The following ARHGEF3 variants were observed in gnomAD, a reference collection of about 807,000 sequenced individuals.
ARHGEF3 encodes 59.8 kDA protein.
A neutral mutation model predicts 63.2 loss-of-function variants in ARHGEF3; 28 were observed. That is an observed-to-expected ratio of 0.44 (90% CI 0.33 to 0.61). ARHGEF3 has a LOEUF of 0.61. Ranked by LOEUF, ARHGEF3 falls within the 20% of genes least tolerant of loss-of-function variation. ARHGEF3 has a pLI of 0.03. For missense variants in ARHGEF3, 533 were observed against 659.3 expected (o/e 0.81, Z 2.10); for synonymous variants, 266 against 254.2 (o/e 1.05, Z -0.44).
At chr3:56,789,492 T>G (rs1423107864) in intron 1 of ARHGEF3, among the ~76,000 whole-genome samples, 1 of 152,226 alleles carries the variant, frequency 6.6e-6, no homozygotes, top group African/African-American at 2.4e-5. Context: ...TATAACACAT[T>G]AAAGCCAATT....
intron 3 of ARHGEF3, among the ~76,000 whole-genome samples, chr3:56,889,970 G>A (rs12485942): frequency 0.081 from 12,318 of 151,836 alleles, 1,060 homozygotes; most frequent in East Asian, 0.21. Flanking sequence ...GCTGAGGCAG[G>A]AGAATCGCTG....
chr3:56,866,090 A>G (rs2040240186), intron 4 of ARHGEF3, among the ~76,000 whole-genome samples: 1 of 152,156 alleles, frequency 6.6e-6, no homozygotes. Context: ...GCTTGAGCCC[A>G]GAAGGTCAAG....
In ARHGEF3 at chr3:56,953,836, C is replaced by T. The variant is rs144423664; in HGVS notation, c.129+4987G>A. ...AGGAGAAGACAAACCAAGAGAGTGG[C>T]AAAGCTGAGAAAAGGAATACACCTG... On this transcript the variant is annotated intron_variant, in intron 3 of 12. Transcript: ENST00000338458. 4.8e-3 allele frequency among the ~76,000 whole-genome samples: 733 copies of T among 152,230 alleles called. 3 individuals are homozygous for T. Among genetic ancestry groups the T allele is most frequent in the Non-Finnish European group, 8.5e-3 (577 of 68,012 alleles).
At chr3:56,767,055 A>C (rs952148728) in intron 2 of ARHGEF3, among the ~76,000 whole-genome samples, 2 of 152,098 alleles carry the variant, frequency 1.3e-5, no homozygotes, top group Non-Finnish European at 2.9e-5. Flanking sequence ...CATGCCTATA[A>C]TCCCAGCACT....
chr3:56,938,210 G>A (rs1159967538), intron 3 of ARHGEF3, among the ~76,000 whole-genome samples: 1 of 152,154 alleles, frequency 6.6e-6, no homozygotes, highest in East Asian at 1.9e-4. Flanking sequence ...GATTTCCAGG[G>A]TTGGATGGCA....
Position 57,000,310 on chromosome 3 carries a change from CCACA to C in ARHGEF3, c.62+34774_62+34777del, listed in dbSNP as rs71076009. On this transcript the variant is annotated intron_variant, in intron 2 of 12. Transcript: ENST00000338458. ...AAGTCCTTTTTTTAGAGGGTAACTC[CCACA>C]CACACACACACACACACACACACAC... 6.9e-4 allele frequency among the ~76,000 whole-genome samples: 96 copies of C among 139,226 alleles called. 1 individual carries two copies. The Middle Eastern group carries it at 0.011, about 16-fold the overall frequency. 91.3% of individuals were successfully genotyped at this position (139,226 alleles called of 152,430 possible). A position where few individuals can be genotyped will look rare whatever the true frequency, so the allele number is the denominator to read the frequency against.
At chr3:56,922,540 A>C (rs1333977351) in intron 3 of ARHGEF3, among the ~76,000 whole-genome samples, 3 of 152,182 alleles carry the variant, frequency 2.0e-5, no homozygotes, top group Non-Finnish European at 1.5e-5. Flanking sequence ...GAGGATTTTT[A>C]AAAGTAATCT....
chr3:56,878,411 T>C (rs1249380194), intron 4 of ARHGEF3, among the ~76,000 whole-genome samples: 1 of 152,104 alleles, frequency 6.6e-6, no homozygotes, highest in African/African-American at 2.4e-5. Context: ...ACCAGGAAGT[T>C]GGGGGCCCAG....
In ARHGEF3 at chr3:56,957,611, A is replaced by C. The variant is rs140617952; in HGVS notation, c.129+1212T>G. 1.9e-3 allele frequency among the ~76,000 whole-genome samples: 283 copies of C among 152,318 alleles called. 3 individuals carry two copies. The highest frequency in any genetic ancestry group is 6.5e-3 in the African/African-American group (270 of 41,578). On this transcript the variant is annotated intron_variant, in intron 3 of 12. Transcript: ENST00000338458. ...CAATCTTAAATTTCAGTAAGGACTA[A>C]GCACAATAGTAAGAAACTGCAGGGG...
chr3:57,009,081 A>G (rs909652802), intron 2 of ARHGEF3, among the ~76,000 whole-genome samples: 24 of 152,228 alleles, frequency 1.6e-4, no homozygotes, highest in Admixed American at 1.2e-3. Flanking sequence ...AACAGAATGC[A>G]TGGCCCAAGC....
intron 2 of ARHGEF3, among the ~76,000 whole-genome samples, chr3:57,003,401 CAA>C (rs60214570): frequency 1.6e-3 from 72 of 43,732 alleles, no homozygotes; most frequent in Non-Finnish European, 2.2e-3. Flanking sequence ...GACGCCGTCT[CAA>C]AAAAAAAAAA....
chr3:56,950,126 TAATTCAA>T (rs1699729252), intron 3 of ARHGEF3, among the ~76,000 whole-genome samples: 2 of 151,980 alleles, frequency 1.3e-5, no homozygotes, highest in African/African-American at 4.8e-5. Context: ...ATACAAAAAT[TAATTCAA>T]GATGGATTAA....
rs558662087 is a variant in ARHGEF3 at position 57,004,403 on chromosome 3, C to T, written c.62+30685G>A. Among the ~76,000 whole-genome samples the T allele has an allele frequency of 1.8e-4, 28 of 152,338 alleles. 1 individual carries two copies. The South Asian group carries it at 2.9e-3, about 16-fold the overall frequency. Reference sequence around the variant, plus strand: ...TCCTTCCTGGAATCCTTCAGTGGCTCGTCTGCATTTACCAGCCAGGTTTTC... The same window carrying T: ...TCCTTCCTGGAATCCTTCAGTGGCTTGTCTGCATTTACCAGCCAGGTTTTC... On this transcript the variant is annotated intron_variant, in intron 2 of 12. Transcript: ENST00000338458.
intron 1 of ARHGEF3, among the ~76,000 whole-genome samples, chr3:57,059,512 TG>T (rs976298264): frequency 4.9e-5 from 3 of 61,392 alleles, no homozygotes; most frequent in African/African-American, 1.6e-4. Context: ...GAGTTGGGGG[TG>T]GGGGGAGGGA....
intron 4 of ARHGEF3, among the ~76,000 whole-genome samples, chr3:56,872,839 A>T (rs576396457): frequency 2.0e-5 from 3 of 152,310 alleles, no homozygotes; most frequent in South Asian, 2.1e-4. Flanking sequence ...TACATGATCA[A>T]TTCTATTTAT....
intron 1 of ARHGEF3, among the ~76,000 whole-genome samples, chr3:56,786,343 T>TATTTTACC (rs2036808868): frequency 6.6e-6 from 1 of 152,222 alleles, no homozygotes; most frequent in Admixed American, 6.5e-5. Context: ...AAGCATGCTG[T>TATTTTACC]TCAGGAAACT....
At chr3:56,850,391 T>C (rs943714835) in intron 4 of ARHGEF3, among the ~76,000 whole-genome samples, 2 of 152,156 alleles carry the variant, frequency 1.3e-5, no homozygotes, top group Non-Finnish European at 2.9e-5. Flanking sequence ...TAGTTGGGCG[T>C]GGTGGCACAT....
At chr3:57,010,236 C>T (rs748424943) in intron 2 of ARHGEF3, among the ~76,000 whole-genome samples, 26 of 152,166 alleles carry the variant, frequency 1.7e-4, no homozygotes, top group East Asian at 1.9e-4. Context: ...GGGCAGATCA[C>T]GAGGTCAGGA....
rs113236985 is a variant in ARHGEF3 at position 56,929,609 on chromosome 3, T to C, written c.129+29214A>G. ...ATGGACCACACTTTGAGAACCTTACTAGGGGACATGGAATGACTTAAGCAG... is the reference window on the plus strand; with the variant it reads ...ATGGACCACACTTTGAGAACCTTACCAGGGGACATGGAATGACTTAAGCAG... On this transcript the variant is annotated intron_variant, in intron 3 of 12. Coordinates refer to the ARHGEF3 transcript ENST00000338458. Among the ~76,000 whole-genome samples, 8 of 152,288 alleles carry C rather than the reference T, an allele frequency of 5.3e-5. 1 individual carries two copies. The highest frequency in any genetic ancestry group is 1.4e-4 in the African/African-American group (6 of 41,558).
Sources: allele counts gnomAD v4.1 joint callset (sites outside exome capture counted in the v4.1 genomes callset), GRCh38; gene constraint gnomAD v4.1.1; transcripts MANE v1.5; gene names NCBI Gene and HGNC (gene_info 2026-07-23, HGNC 2026-07-21).